The following CELF1 variants were observed in gnomAD, a reference collection of about 807,000 sequenced individuals.
CELF1 encodes CUGBP Elav-like family member 1.
A neutral mutation model predicts 61.8 loss-of-function variants in CELF1; 10 were observed. That is an observed-to-expected ratio of 0.16 (90% confidence interval 0.10 to 0.27). The LOEUF (loss-of-function observed/expected upper bound fraction) is 0.27, where lower values mean the gene tolerates loss of function less well. CELF1 is among the 10% of genes least tolerant of loss of function. The pLI is 1.00. For missense variants in CELF1, 380 were observed against 639.1 expected (o/e 0.59, Z 4.37); for synonymous variants, 236 against 225.1 (o/e 1.05, Z -0.43).
chr11:47,542,474 C>T (rs1468109459), intron 1 of CELF1, among the ~76,000 whole-genome samples: 1 of 151,522 alleles, frequency 6.6e-6, no homozygotes, highest in African/African-American at 2.4e-5. Flanking sequence ...AAAAAAACCT[C>T]ATCATTCTTG....
At chr11:47,532,080 G>C (rs1355147652) in intron 1 of CELF1, among the ~76,000 whole-genome samples, 1 of 151,882 alleles carries the variant, frequency 6.6e-6, no homozygotes, top group Non-Finnish European at 1.5e-5. Flanking sequence ...GCCCAGGCTG[G>C]AGTGCAGTGG....
At chr11:47,521,712 G>A (rs1420064473) in intron 1 of CELF1, among the ~76,000 whole-genome samples, 2 of 152,186 alleles carry the variant, frequency 1.3e-5, no homozygotes, top group Admixed American at 1.3e-4. Flanking sequence ...CAAGCTTGGT[G>A]TTTATGGTGG....
chr11:47,478,582 T>C (rs1464512369), intron 10 of CELF1, among the ~76,000 whole-genome samples: 5 of 152,168 alleles, frequency 3.3e-5, no homozygotes, highest in Non-Finnish European at 7.3e-5. Flanking sequence ...TTTCCCCTTA[T>C]CAGAGAACAG....
chr11:47,511,648 T>C (rs1426036014), intron 1 of CELF1, among the ~76,000 whole-genome samples: 7 of 152,226 alleles, frequency 4.6e-5, no homozygotes. Context: ...CACTATGACC[T>C]GTTTTGGGTG....
At chr11:47,528,139 C>A (rs1249277963) in intron 1 of CELF1, among the ~76,000 whole-genome samples, 1 of 141,684 alleles carries the variant, frequency 7.1e-6, no homozygotes, top group Non-Finnish European at 1.5e-5. Context: ...CAGCAATACA[C>A]CACAGTTGTG....
chr11:47,552,501 T>TGCA (rs2097165632), intron 1 of CELF1, among the ~76,000 whole-genome samples: 1 of 152,112 alleles, frequency 6.6e-6, no homozygotes, highest in Non-Finnish European at 1.5e-5. Flanking sequence ...AACGAGGGGC[T>TGCA]CTCGAGGCTC....
intron 1 of CELF1, among the ~76,000 whole-genome samples, chr11:47,550,646 G>C (rs2097114604): frequency 6.6e-6 from 1 of 152,060 alleles, no homozygotes; most frequent in African/African-American, 2.4e-5. Context: ...TCATCTCTGA[G>C]TGGTGGCACT....
intron 1 of CELF1, among the ~76,000 whole-genome samples, chr11:47,536,668 G>A (rs4752783): frequency 0.12 from 18,677 of 152,146 alleles, 1,665 homozygotes; most frequent in East Asian, 0.3. Context: ...AGAAGGCTGA[G>A]GCAGTTACTT....
chr11:47,497,197 TAA>T (rs1385429802), intron 3 of CELF1, among the ~76,000 whole-genome samples: 1 of 152,202 alleles, frequency 6.6e-6, no homozygotes, highest in Non-Finnish European at 1.5e-5. Flanking sequence ...GTATTTAGAA[TAA>T]AGTCTTAGAC....
chr11:47,501,583 G>A (rs1317610287), intron 1 of CELF1, among the ~76,000 whole-genome samples: 1 of 152,176 alleles, frequency 6.6e-6, no homozygotes, highest in African/African-American at 2.4e-5. Flanking sequence ...GGGAGGCCAA[G>A]GCGGGCGGAT....
rs1359372243 is a variant in CELF1 at position 47,469,481 on chromosome 11, C to T, written c.*2749G>A. 6.6e-6 allele frequency: 1 copy of T among 152,262 alleles called. No individual in the cohort carries two copies. The allele number at this position is 152,262 out of a possible 1,614,324, so 9.4% of individuals were successfully genotyped here. On this transcript the variant is annotated 3_prime_UTR_variant, in exon 15 of 15. Transcript: ENST00000687097. ...GAAAACACATTGTAAGTGAAACCTTCACACAACAGAAAAGGATTGCTTAAG... is the reference window on the plus strand; with the variant it reads ...GAAAACACATTGTAAGTGAAACCTTTACACAACAGAAAAGGATTGCTTAAG...
At chr11:47,562,765 C>T (rs2097230507) in intron 2 of CELF1, among the ~76,000 whole-genome samples, 1 of 151,506 alleles carries the variant, frequency 6.6e-6, no homozygotes, top group African/African-American at 2.4e-5. Context: ...AGTGCAGTGG[C>T]GCGATCTTGG....
At chr11:47,489,932 C>CTTTTTTTTTTTTTTTTTTTTTTTTT (rs530410346) in intron 3 of CELF1, among the ~76,000 whole-genome samples, 4 of 23,474 alleles carry the variant, frequency 1.7e-4, no homozygotes, top group Admixed American at 7.6e-4. Flanking sequence ...AACATACCAT[C>CTTTTTTTTTTTTTTTTTTTTTTTTT]TTGTTTTTTT....
intron 1 of CELF1, among the ~76,000 whole-genome samples, chr11:47,533,421 C>T (rs1283990015): frequency 1.3e-5 from 2 of 151,820 alleles, no homozygotes; most frequent in African/African-American, 2.4e-5. Flanking sequence ...CAGGAGTTCA[C>T]GACCAGCCTG....
At chr11:47,499,658 T>C (rs775713987) in intron 2 of CELF1, 54 bp from the exon 3 acceptor site, 15 of 670,374 alleles carry the variant, frequency 2.2e-5, no homozygotes, top group Non-Finnish European at 3.6e-5. Flanking sequence ...AAACCAGCAA[T>C]AAGTGCCACA....
intron 3 of CELF1, among the ~76,000 whole-genome samples, chr11:47,494,914 ATAG>A (rs1449105603): frequency 3.9e-5 from 6 of 152,166 alleles, no homozygotes; most frequent in Non-Finnish European, 8.8e-5. Flanking sequence ...AGAACATTTT[ATAG>A]TTGTTGTTGT....
chr11:47,488,283 G>C (rs1414141626), intron 4 of CELF1, among the ~76,000 whole-genome samples: 1 of 152,196 alleles, frequency 6.6e-6, no homozygotes, highest in Non-Finnish European at 1.5e-5. Context: ...TCTGGAAGCA[G>C]CTCCGCCTTT....
Position 47,533,635 on chromosome 11 carries a change from A to AATAAATACATAC in CELF1, c.-154+19356_-154+19357insGTATGTATTTAT, listed in dbSNP as rs111856198. ...GAGACTCCATTTCAAAAAATAAATA[A>AATAAATACATAC]ATACATACATACATACATACATAAA... is the stretch of plus-strand genomic sequence containing the variant. On this transcript the variant is annotated intron_variant, in intron 1 of 14. Coordinates refer to ENST00000687097, the MANE Select transcript of CELF1 (RefSeq NM_001376376.1). Among the ~76,000 whole-genome samples the AATAAATACATAC allele has an allele frequency of 2.8e-4, 41 of 148,858 alleles. No homozygotes were observed. The East Asian group carries it at 3.8e-3, about 14-fold the overall frequency.
Position 47,474,629 on chromosome 11 carries a change from GGA to G in CELF1, c.1273+705_1273+706del, listed in dbSNP as rs1462741250. Among the ~76,000 whole-genome samples, 3 of 152,332 alleles carry G rather than the reference GGA, an allele frequency of 2.0e-5. No homozygotes were observed. The South Asian group carries it at 6.2e-4, about 32-fold the overall frequency. On this transcript the variant is annotated intron_variant, in intron 13 of 14. Coordinates refer to ENST00000687097, the MANE Select transcript of CELF1 (RefSeq NM_001376376.1). ...GATATAAGTGATTCACAGCAGGTGAGGAGAGATGAACCAGGACTTTCTGCTGT... is the reference window on the plus strand; with the variant it reads ...GATATAAGTGATTCACAGCAGGTGAGGAGATGAACCAGGACTTTCTGCTGT...
Sources: allele counts gnomAD v4.1 joint callset (sites outside exome capture counted in the v4.1 genomes callset), GRCh38; gene constraint gnomAD v4.1.1; transcripts MANE v1.5; gene names NCBI Gene and HGNC (gene_info 2026-07-23, HGNC 2026-07-21).